Variants in CCDC102B observed in about 807,000 individuals in gnomAD.
CCDC102B encodes coiled-coil domain containing 102B.
In CCDC102B, 75 loss-of-function variants were observed where a neutral mutation model predicts 57.4. That is an observed-to-expected ratio of 1.31 (90% CI 1.08 to 1.58). The LOEUF is 1.58. Ranked by LOEUF, CCDC102B falls within the 40% of genes most tolerant of loss-of-function variation. The pLI, the probability that CCDC102B is intolerant of heterozygous loss-of-function variation, is 0.00. For synonymous variants in CCDC102B, 206 were observed against 201.9 expected (o/e 1.02, Z -0.17); for missense variants, 636 against 582.6 (o/e 1.09, Z -0.94).
rs575252665 is a variant in CCDC102B, at chr18:68,779,937, C to T, written c.-66-43429C>T. Among the ~76,000 whole-genome samples the T allele has an allele frequency of 5.3e-5, 8 of 152,156 alleles. No homozygotes were observed. In the South Asian group the frequency reaches 1.7e-3, roughly 32 times the overall value. ...TCACAAAATTGTGCCACCATCATCA[C>T]AATCAGTTTTAGAACACTTTTATCA... On this transcript the variant is annotated intron_variant, in intron 2 of 3. Transcript: ENST00000578970.
At chr18:68,759,812 C>G (rs550591693) in intron 2 of CCDC102B, among the ~76,000 whole-genome samples, 6 of 152,140 alleles carry the variant, frequency 3.9e-5, no homozygotes, top group African/African-American at 1.4e-4. Context: ...CAGAGCATCC[C>G]TGCTATAGGG....
chr18:68,735,638 G>A (rs2033092025), intron 2 of CCDC102B, among the ~76,000 whole-genome samples: 1 of 152,100 alleles, frequency 6.6e-6, no homozygotes, highest in Non-Finnish European at 1.5e-5. Flanking sequence ...ATCTGGCAAT[G>A]AAAACCCAAC....
chr18:68,762,866 G>T (rs941165268), intron 2 of CCDC102B, among the ~76,000 whole-genome samples: 1 of 152,100 alleles, frequency 6.6e-6, no homozygotes, highest in African/African-American at 2.4e-5. Flanking sequence ...ATTGACGGCA[G>T]TTGGGTTTGG....
intron 2 of CCDC102B, among the ~76,000 whole-genome samples, chr18:68,740,907 G>A (rs912932624): frequency 1.3e-5 from 2 of 152,134 alleles, no homozygotes; most frequent in South Asian, 4.1e-4. Flanking sequence ...CTATCAGTTT[G>A]CTCAGCATGG....
At chr18:68,852,345 T>C (rs765338914) in intron 4 of CCDC102B, among the ~76,000 whole-genome samples, 3 of 152,214 alleles carry the variant, frequency 2.0e-5, no homozygotes, top group Non-Finnish European at 4.4e-5. Flanking sequence ...AGTCATCCCT[T>C]GGTATCTGTG....
In CCDC102B at chr18:68,790,088, C is replaced by T. The variant is rs541930016; in HGVS notation, c.-66-33278C>T. Among the ~76,000 whole-genome samples, 1,338 of 146,290 alleles carry T rather than the reference C, an allele frequency of 9.1e-3. 30 individuals are homozygous for T. Among genetic ancestry groups the T allele is most frequent in the African/African-American group, 0.016 (591 of 36,886 alleles). The stretch of plus-strand genomic sequence containing the variant: ...CTGCAGGTCTGTTGGAATACCCTGC[C>T]ATGTGAGGTGTCAGTCTGCCCCTGC... On this transcript the variant is annotated intron_variant, in intron 2 of 3. Coordinates refer to the CCDC102B transcript ENST00000578970.
At chr18:68,992,108 TTGGTTCTC>T (rs1368044061) in intron 6 of CCDC102B, among the ~76,000 whole-genome samples, 2 of 152,186 alleles carry the variant, frequency 1.3e-5, no homozygotes, top group Non-Finnish European at 2.9e-5. Context: ...TCCTTTTCAT[TTGGTTCTC>T]TGATTCAAAG....
intron 2 of CCDC102B, among the ~76,000 whole-genome samples, chr18:68,728,759 TAGA>T (rs1427452251): frequency 6.6e-6 from 1 of 151,880 alleles, no homozygotes; most frequent in Admixed American, 6.6e-5. Flanking sequence ...ACAAAAAAAA[TAGA>T]AGAATTTCCT....
intron 1 of CCDC102B, among the ~76,000 whole-genome samples, chr18:68,801,355 G>A (rs1008082599): frequency 7.9e-5 from 12 of 152,084 alleles, no homozygotes; most frequent in African/African-American, 2.7e-4. Flanking sequence ...TGTATTGGAG[G>A]TTGTGCTCAA....
At chr18:68,919,563 G>A (rs2041200095) in intron 6 of CCDC102B, among the ~76,000 whole-genome samples, 1 of 152,114 alleles carries the variant, frequency 6.6e-6, no homozygotes, top group Non-Finnish European at 1.5e-5. Flanking sequence ...ACTGGAATTT[G>A]AGGCAATTCC....
At chr18:68,770,298 A>G (rs1599435128) in intron 2 of CCDC102B, among the ~76,000 whole-genome samples, 1 of 152,246 alleles carries the variant, frequency 6.6e-6, no homozygotes, top group East Asian at 1.9e-4. Context: ...TGTATTCCAC[A>G]TAGTATCAGT....
chr18:68,792,715 A>G (rs1033432402), intron 2 of CCDC102B, among the ~76,000 whole-genome samples: 1 of 152,186 alleles, frequency 6.6e-6, no homozygotes, highest in African/African-American at 2.4e-5. Context: ...CACACAACCA[A>G]TGCTTGAACT....
In CCDC102B at chr18:68,854,156, A is replaced by C. The variant is rs936505492; in HGVS notation, c.936+7735A>C. On this transcript the variant is annotated intron_variant, in intron 4 of 7. Transcript: ENST00000360242. ...GCTCTTGTTGCCCAGGCTGGAGTCC[A>C]GTGGCGCGATCTCCGCTCACTTCAA... 1.7e-4 allele frequency among the ~76,000 whole-genome samples: 25 copies of C among 151,114 alleles called. 1 individual carries two copies. The highest frequency in any genetic ancestry group is 1.4e-3 in the Admixed American group (21 of 15,166).
chr18:68,965,520 T>A (rs781417175), intron 6 of CCDC102B, among the ~76,000 whole-genome samples: 2 of 151,856 alleles, frequency 1.3e-5, no homozygotes, highest in South Asian at 2.1e-4. Flanking sequence ...GATGGCTTCT[T>A]TAAAATCCTT....
intron 2 of CCDC102B, among the ~76,000 whole-genome samples, chr18:68,768,736 A>G (rs1162613960): frequency 6.6e-6 from 1 of 151,880 alleles, no homozygotes; most frequent in African/African-American, 2.4e-5. Context: ...ATAAATAGAT[A>G]TATCAATATT....
chr18:68,921,363 C>G (rs2041274195), intron 6 of CCDC102B, among the ~76,000 whole-genome samples: 1 of 152,122 alleles, frequency 6.6e-6, no homozygotes. Context: ...TCTCTCTTTG[C>G]CTGATTAACT....
intron 2 of CCDC102B, among the ~76,000 whole-genome samples, chr18:68,730,513 A>G (rs1412872270): frequency 1.3e-5 from 2 of 152,194 alleles, no homozygotes; most frequent in African/African-American, 2.4e-5. Context: ...CATAATTTCA[A>G]CAGTGTGACC....
At chr18:68,992,380 G>A (rs976785720) in intron 6 of CCDC102B, among the ~76,000 whole-genome samples, 2 of 152,092 alleles carry the variant, frequency 1.3e-5, no homozygotes, top group South Asian at 4.1e-4. Context: ...AGTGATCTCC[G>A]TTGTCTCTGG....
intron 2 of CCDC102B, among the ~76,000 whole-genome samples, chr18:68,728,187 T>G (rs1233376045): frequency 1.3e-5 from 2 of 152,170 alleles, no homozygotes; most frequent in Non-Finnish European, 2.9e-5. Context: ...GAAGCTCAAA[T>G]TTCTTATAAA....
Sources: gnomAD v4.1 joint callset for allele counts (sites outside exome capture counted in the v4.1 genomes callset) on GRCh38, gnomAD v4.1.1 for gene constraint, MANE v1.5 for transcripts, NCBI Gene and HGNC (gene_info 2026-07-23, HGNC 2026-07-21) for gene names.